Variants in LRRC7 observed in about 807,000 individuals in gnomAD.
LRRC7 encodes the protein leucine-rich repeat-containing protein 7.
In LRRC7, 23 loss-of-function variants were observed where a neutral mutation model predicts 175.7. That is an observed-to-expected ratio of 0.13 (90% CI 0.09 to 0.19). The LOEUF is 0.19. Ranked by LOEUF, LRRC7 falls within the 10% of genes least tolerant of loss-of-function variation. The pLI is 1.00. For synonymous variants in LRRC7, 685 were observed against 680.9 expected (o/e 1.01, Z -0.09); for missense variants, 1,354 against 1,904.7 (o/e 0.71, Z 5.38).
At chr1:70,112,577 G>A (rs549776832) in intron 26 of LRRC7, among the ~76,000 whole-genome samples, 1 of 152,290 alleles carries the variant, frequency 6.6e-6, no homozygotes, top group South Asian at 2.1e-4. Context: ...ATATAAAAGT[G>A]TGTATCCTGG....
intron 2 of LRRC7, among the ~76,000 whole-genome samples, chr1:69,733,034 T>C (rs1290924490): frequency 6.6e-6 from 1 of 151,930 alleles, no homozygotes; most frequent in African/African-American, 2.4e-5. Flanking sequence ...GAAAAGACAA[T>C]TTAAGAAAAA....
At chr1:69,643,814 A>T (rs189947615) in intron 1 of LRRC7, among the ~76,000 whole-genome samples, 4 of 152,244 alleles carry the variant, frequency 2.6e-5, no homozygotes, top group Admixed American at 6.6e-5. Context: ...AAGAAGGCCA[A>T]GTAACCCCTC....
chr1:70,002,598 G>A (rs193042155), intron 11 of LRRC7, among the ~76,000 whole-genome samples: 177 of 152,242 alleles, frequency 1.2e-3, no homozygotes, highest in Middle Eastern at 3.4e-3. Flanking sequence ...TGTGCCAAGA[G>A]AGTATGGCCC....
intron 7 of LRRC7, among the ~76,000 whole-genome samples, chr1:69,849,547 A>G (rs1005948797): frequency 2.0e-5 from 3 of 151,948 alleles, no homozygotes; most frequent in Non-Finnish European, 4.4e-5. Context: ...TATAAAACAC[A>G]TTTTAAAATA....
chr1:69,918,552 CTG>C (rs2101727566), intron 7 of LRRC7, among the ~76,000 whole-genome samples: 1 of 152,240 alleles, frequency 6.6e-6, no homozygotes, highest in Non-Finnish European at 1.5e-5. Flanking sequence ...AAGTAATAGA[CTG>C]TGTTATGGAC....
At chr1:69,642,166 GA>G (rs893756260) in intron 1 of LRRC7, among the ~76,000 whole-genome samples, 1 of 151,862 alleles carries the variant, frequency 6.6e-6, no homozygotes, top group African/African-American at 2.4e-5. Context: ...TTTAAATCAT[GA>G]AATGTTATAA....
intron 18 of LRRC7, among the ~76,000 whole-genome samples, chr1:70,034,369 T>C (rs1221644299): frequency 2.1e-5 from 3 of 144,126 alleles, no homozygotes; most frequent in African/African-American, 7.7e-5. Context: ...TTTAAAAGGA[T>C]TTATAAAAAA....
At chr1:69,985,316 A>G (rs1296008346) in intron 9 of LRRC7, among the ~76,000 whole-genome samples, 1 of 152,230 alleles carries the variant, frequency 6.6e-6, no homozygotes, top group East Asian at 1.9e-4. Flanking sequence ...TGAGCAAAAC[A>G]TTGACTCTAA....
chr1:69,663,700 ATTTTTTTTTTT>A (rs552339451), intron 1 of LRRC7, among the ~76,000 whole-genome samples: 5 of 67,724 alleles, frequency 7.4e-5, no homozygotes, highest in East Asian at 4.6e-4. Context: ...AATCGTTTTA[ATTTTTTTTTTT>A]TTTTTTTTTT....
chr1:70,075,413 C>G (rs1299568888), intron 23 of LRRC7, among the ~76,000 whole-genome samples: 2 of 152,134 alleles, frequency 1.3e-5, no homozygotes, highest in African/African-American at 4.8e-5. Flanking sequence ...TTTAAGAATT[C>G]AGAAATGATC....
chr1:70,140,292 C>T lies in LRRC7; in HGVS notation c.*18405C>T, dbSNP rs1667014673. The T allele has an allele frequency of 6.6e-6, 1 of 152,044 alleles. No individual in the cohort carries two copies. Among genetic ancestry groups the T allele is most frequent in the Non-Finnish European group, 1.5e-5 (1 of 67,990 alleles). The allele number at this position is 152,044 out of a possible 1,614,324, so 9.4% of individuals were successfully genotyped here. On this transcript the variant is annotated 3_prime_UTR_variant, in exon 27 of 27. Coordinates refer to ENST00000651989, the MANE Select transcript of LRRC7 (RefSeq NM_001370785.2). The stretch of plus-strand genomic sequence containing the variant: ...AGTGGAATTAGATTTTACAAAGTTC[C>T]CCTTATCCAAACTACAGCACGCTTA...
chr1:70,046,814 T>C (rs1454886329), intron 22 of LRRC7, among the ~76,000 whole-genome samples: 2 of 152,076 alleles, frequency 1.3e-5, no homozygotes, highest in Non-Finnish European at 2.9e-5. Context: ...GAGCTTTCAT[T>C]TGAAAATTTG....
chr1:70,065,959 G>A (rs1332770215), intron 23 of LRRC7, among the ~76,000 whole-genome samples: 2 of 151,940 alleles, frequency 1.3e-5, no homozygotes, highest in Admixed American at 6.6e-5. Flanking sequence ...AGAATATTTA[G>A]GAGTTAGTTG....
At chr1:69,718,575 A>T (rs757464244) in intron 2 of LRRC7, among the ~76,000 whole-genome samples, 3 of 151,794 alleles carry the variant, frequency 2.0e-5, no homozygotes, top group Admixed American at 2.0e-4. Flanking sequence ...TTGAATAGAG[A>T]TGCTGATAGA....
chr1:69,828,036 T>G (rs1680124314), intron 5 of LRRC7, among the ~76,000 whole-genome samples: 1 of 152,134 alleles, frequency 6.6e-6, no homozygotes, highest in Non-Finnish European at 1.5e-5. Context: ...GATATCATAC[T>G]TTTGTGTCTG....
At chr1:69,924,179 A>G (rs975759778) in intron 7 of LRRC7, among the ~76,000 whole-genome samples, 9 of 152,238 alleles carry the variant, frequency 5.9e-5, no homozygotes, top group Admixed American at 2.6e-4. Context: ...TTTTGGTACC[A>G]GTACCATGCT....
intron 7 of LRRC7, among the ~76,000 whole-genome samples, chr1:69,924,683 C>G (rs943017989): frequency 2.6e-5 from 4 of 152,138 alleles, no homozygotes; most frequent in African/African-American, 9.7e-5. Flanking sequence ...TGCTTATCAG[C>G]TTAAGGAGAT....
intron 1 of LRRC7, among the ~76,000 whole-genome samples, chr1:69,596,616 T>C (rs1260584077): frequency 2.0e-5 from 3 of 152,262 alleles, no homozygotes; most frequent in Non-Finnish European, 1.5e-5. Context: ...AACTATTTTC[T>C]TTCAAGTGAA....
chr1:69,982,920 T>G (rs144552059), intron 9 of LRRC7, among the ~76,000 whole-genome samples: 123 of 152,292 alleles, frequency 8.1e-4, no homozygotes, highest in African/African-American at 2.7e-3. Context: ...AACATCAAAG[T>G]GTTATTCCAA....
Sources: allele counts gnomAD v4.1 joint callset (sites outside exome capture counted in the v4.1 genomes callset), GRCh38; gene constraint gnomAD v4.1.1; transcripts MANE v1.5; gene names NCBI Gene and HGNC (gene_info 2026-07-23, HGNC 2026-07-21).